DNAJC8: variants seen among roughly 807,000 people sequenced by gnomAD.
DNAJC8 encodes dnaJ homolog subfamily C member 8.
In DNAJC8, 24 loss-of-function variants were observed where a neutral mutation model predicts 43.2. The observed-to-expected ratio is 0.56, with a 90% CI of 0.40 to 0.78. The LOEUF (loss-of-function observed/expected upper bound fraction) is 0.78, where lower values mean the gene tolerates loss of function less well. Ranked by LOEUF, DNAJC8 falls within the 30% of genes least tolerant of loss-of-function variation. The pLI is 0.00. For synonymous variants in DNAJC8, 83 were observed against 98.0 expected (o/e 0.85, Z 0.90); for missense variants, 207 against 299.4 (o/e 0.69, Z 2.28).
intron 2 of DNAJC8, among the ~76,000 whole-genome samples, chr1:28,227,233 AC>A (rs760433241): frequency 2.0e-5 from 3 of 147,722 alleles, no homozygotes; most frequent in Non-Finnish European, 3.0e-5. Context: ...ATATGGCAAA[AC>A]CCCGTCTCTA....
At chr1:28,202,583 T>TC (rs1557704495) in intron 8 of DNAJC8, among the ~76,000 whole-genome samples, 1 of 120,496 alleles carries the variant, frequency 8.3e-6, no homozygotes, top group Admixed American at 8.4e-5. Context: ...CCGGCCTTTT[T>TC]TTTTCTTTTT....
chr1:28,210,968 G>C (rs754066429), intron 3 of DNAJC8, among the ~76,000 whole-genome samples: 1 of 152,032 alleles, frequency 6.6e-6, no homozygotes, highest in African/African-American at 2.4e-5. Flanking sequence ...CCAGGACTTC[G>C]AGACCAGCCT....
chr1:28,212,214 T>TATATATATATAA (rs1553167928), intron 3 of DNAJC8, among the ~76,000 whole-genome samples: 3 of 113,540 alleles, frequency 2.6e-5, no homozygotes, highest in Admixed American at 2.1e-4. Context: ...TATATATATA[T>TATATATATATAA]AAATGAAATT....
In DNAJC8 at chr1:28,200,530, G is replaced by C; in HGVS notation, c.*718C>G. On this transcript the variant is annotated 3_prime_UTR_variant, in exon 9 of 9. Coordinates refer to ENST00000263697, the MANE Select transcript of DNAJC8 (RefSeq NM_014280.3). ...AGCCAGACAAGGGACCCACAAGGGAGAGTACAAGGAAAAGTACATCAATGG... is the reference window on the plus strand; with the variant it reads ...AGCCAGACAAGGGACCCACAAGGGACAGTACAAGGAAAAGTACATCAATGG... 6.6e-6 allele frequency: 3 copies of C among 456,520 alleles called. No homozygotes were observed. The highest frequency in any genetic ancestry group is 1.3e-5 in the Non-Finnish European group (3 of 226,804). 28.3% of individuals were successfully genotyped at this position (456,520 alleles called of 1,614,324 possible).
chr1:28,212,212 T>TATATATATATAC (rs1553167926), intron 3 of DNAJC8, among the ~76,000 whole-genome samples: 2 of 116,636 alleles, frequency 1.7e-5, no homozygotes, highest in East Asian at 2.6e-4. Flanking sequence ...TATATATATA[T>TATATATATATAC]ATAAATGAAA....
chr1:28,222,685 A>T (rs1646906875), intron 2 of DNAJC8, among the ~76,000 whole-genome samples: 1 of 152,116 alleles, frequency 6.6e-6, no homozygotes, highest in South Asian at 2.1e-4. Flanking sequence ...CACATGGCCC[A>T]GAGCACAGTG....
intron 2 of DNAJC8, among the ~76,000 whole-genome samples, chr1:28,223,577 A>G (rs1646913419): frequency 1.3e-5 from 2 of 152,078 alleles, no homozygotes; most frequent in Non-Finnish European, 2.9e-5. Flanking sequence ...TAGATATTAA[A>G]TTCTGTAGGA....
chr1:28,201,546 C>T (rs1255717834), intron 8 of DNAJC8, among the ~76,000 whole-genome samples, 176 bp from the exon 9 acceptor site: 1 of 152,066 alleles, frequency 6.6e-6, no homozygotes, highest in South Asian at 2.1e-4. Flanking sequence ...CCCAGCACTT[C>T]GGGAGGCCGA....
chr1:28,208,715 GACT>G, intron 5 of DNAJC8: 1 of 206,032 alleles, frequency 4.9e-6, no homozygotes, highest in Non-Finnish European at 9.6e-6. Flanking sequence ...CTTTGAAACA[GACT>G]ACTTATTTAC....
intron 6 of DNAJC8, 126 bp downstream of exon 6, chr1:28,208,212 TAATA>T (rs541008689): frequency 1.6e-4 from 101 of 640,670 alleles, no homozygotes; most frequent in South Asian, 2.5e-4. Context: ...GTCTCAAAAA[TAATA>T]AATAAATAAA....
At chr1:28,211,286 T>C (rs1475603676) in intron 3 of DNAJC8, among the ~76,000 whole-genome samples, 1 of 152,216 alleles carries the variant, frequency 6.6e-6, no homozygotes, top group Non-Finnish European at 1.5e-5. Context: ...CTTATGCAGG[T>C]TGAGCACCCA....
chr1:28,228,301 A>G (rs1481827343), intron 2 of DNAJC8, among the ~76,000 whole-genome samples: 1 of 145,288 alleles, frequency 6.9e-6, no homozygotes, highest in Non-Finnish European at 1.5e-5. Flanking sequence ...GTGGGTCAAG[A>G]TCGCGCCACT....
At position 28,205,253 on chromosome 1, in the gene DNAJC8, T is replaced by C. The variant is rs1646760842; in HGVS notation, c.563+5A>G. The C allele has an allele frequency of 6.2e-7, 1 of 1,603,150 alleles. No homozygotes were observed. Among genetic ancestry groups the C allele is most frequent in the Non-Finnish European group, 8.5e-7 (1 of 1,172,254 alleles). ...TATGGTTTAAATGAATATACTGATA[T>C]GTACCTTTCATGCATCTCTTTGGCT... On this transcript the variant is annotated splice_donor_5th_base_variant and intron_variant, in intron 7 of 8. Coordinates refer to ENST00000263697, the MANE Select transcript of DNAJC8 (RefSeq NM_014280.3).
rs1327214897 is a variant in DNAJC8 at position 28,229,281 on chromosome 1, G to C, written c.79-258C>G. Among the ~76,000 whole-genome samples the C allele has an allele frequency of 1.3e-5, 2 of 152,128 alleles. 1 individual carries two copies. Among genetic ancestry groups the C allele is most frequent in the South Asian group, 4.1e-4 (2 of 4,826 alleles). The stretch of plus-strand genomic sequence containing the variant: ...TACCCAATTCACAGATAAGAATACT[G>C]AGGCTTAGAGAAGGTAACTGACTTG... On this transcript the variant is annotated intron_variant, in intron 1 of 8. Transcript: ENST00000263697.
At chr1:28,201,422 C>G (rs1036196792) in intron 8 of DNAJC8, 52 bp from the exon 9 acceptor site, 7 of 1,609,552 alleles carry the variant, frequency 4.3e-6, no homozygotes, top group Non-Finnish European at 5.9e-6. Context: ...AGTGGAAAGG[C>G]CTAAACCTGG....
chr1:28,202,464 A>G (rs1646741114), intron 8 of DNAJC8, among the ~76,000 whole-genome samples: 1 of 148,732 alleles, frequency 6.7e-6, no homozygotes, highest in Non-Finnish European at 1.5e-5. Flanking sequence ...TATTTTTAGT[A>G]GAGACGGGGT....
At chr1:28,227,796 TC>T (rs1184780532) in intron 2 of DNAJC8, among the ~76,000 whole-genome samples, 1 of 152,066 alleles carries the variant, frequency 6.6e-6, no homozygotes, top group African/African-American at 2.4e-5. Flanking sequence ...TGTATGATGC[TC>T]CCTGTTTTTA....
chr1:28,228,791 C>T, intron 2 of DNAJC8, 131 bp downstream of exon 2: 1 of 746,626 alleles, frequency 1.3e-6, no homozygotes, highest in Non-Finnish European at 2.2e-6. Context: ...ATACAGATTC[C>T]ATCACTTTAC....
intron 6 of DNAJC8, among the ~76,000 whole-genome samples, chr1:28,206,749 T>C (rs572827749): frequency 7.1e-4 from 108 of 152,340 alleles, no homozygotes; most frequent in African/African-American, 2.4e-3. Flanking sequence ...CTGTCATGCA[T>C]ATTTAATAGT....
Sources: gnomAD v4.1 joint callset for allele counts (sites outside exome capture counted in the v4.1 genomes callset) on GRCh38, gnomAD v4.1.1 for gene constraint, MANE v1.5 for transcripts, NCBI Gene and HGNC (gene_info 2026-07-23, HGNC 2026-07-21) for gene names.